SLC39A11: variants seen among roughly 807,000 people sequenced by gnomAD.
SLC39A11 encodes solute carrier family 39 member 11.
In SLC39A11, 33 loss-of-function variants were observed where a neutral mutation model predicts 36.1. The observed-to-expected ratio is 0.91, with a 90% CI of 0.69 to 1.22. SLC39A11 has a LOEUF of 1.22. SLC39A11 is among the 50% of genes most tolerant of loss of function. The pLI, the probability that SLC39A11 is intolerant of heterozygous loss-of-function variation, is 0.00. For synonymous variants in SLC39A11, 166 were observed against 170.3 expected, an observed-to-expected ratio of 0.97 and a Z score of 0.20; for missense variants, 432 against 430.3, an observed-to-expected ratio of 1.00 and a Z score of -0.03.
intron 6 of SLC39A11, among the ~76,000 whole-genome samples, chr17:72,804,384 G>C (rs576901696): frequency 1.6e-4 from 25 of 152,244 alleles, no homozygotes; most frequent in South Asian, 1.2e-3. Context: ...CCCTTGCTGG[G>C]AGCACACATC....
intron 5 of SLC39A11, among the ~76,000 whole-genome samples, chr17:72,915,123 T>A (rs1037605146): frequency 1.2e-4 from 18 of 152,236 alleles, no homozygotes; most frequent in African/African-American, 4.1e-4. Flanking sequence ...ACCCCACGTA[T>A]TAATCATGTT....
At position 72,900,199 on chromosome 17, in the gene SLC39A11, A is replaced by AGG. The variant is rs1408177430; in HGVS notation, c.430+47552_430+47553insCC. Among the ~76,000 whole-genome samples the AGG allele has an allele frequency of 6.0e-5, 9 of 149,722 alleles. 1 individual carries two copies. Among genetic ancestry groups the AGG allele is most frequent in the African/African-American group, 2.0e-4 (8 of 39,732 alleles). On this transcript the variant is annotated intron_variant, in intron 5 of 9. Coordinates refer to ENST00000255559, the MANE Select transcript of SLC39A11 (RefSeq NM_139177.4). ...AAAGAAAGAAAGAAAGAAAGAAAGA[A>AGG]AGAAAGAAAGAAAGAAAGAAAGAAA...
intron 6 of SLC39A11, among the ~76,000 whole-genome samples, chr17:72,748,246 C>G (rs1329649717): frequency 6.6e-6 from 1 of 151,226 alleles, no homozygotes; most frequent in Non-Finnish European, 1.5e-5. Flanking sequence ...CGCTTGAACA[C>G]GGGAGGTGGA....
chr17:72,891,775 T>C (rs989042201), intron 5 of SLC39A11, among the ~76,000 whole-genome samples: 11 of 151,624 alleles, frequency 7.3e-5, no homozygotes, highest in African/African-American at 2.4e-4. Context: ...GAAATGATTT[T>C]ATTACTATTT....
intron 6 of SLC39A11, among the ~76,000 whole-genome samples, chr17:72,737,409 T>C (rs1038115201): frequency 1.3e-5 from 2 of 152,252 alleles, no homozygotes; most frequent in Non-Finnish European, 2.9e-5. Flanking sequence ...ATGAGCACAG[T>C]TGAGTAGTTG....
chr17:72,676,347 CTTAGA>C (rs1298348530), intron 7 of SLC39A11, among the ~76,000 whole-genome samples: 7 of 152,080 alleles, frequency 4.6e-5, no homozygotes, highest in Non-Finnish European at 1.0e-4. Flanking sequence ...CAACAGAAAT[CTTAGA>C]TAATTTTTTT....
At chr17:72,720,947 A>G (rs1179628417) in intron 7 of SLC39A11, among the ~76,000 whole-genome samples, 1 of 151,876 alleles carries the variant, frequency 6.6e-6, no homozygotes, top group Non-Finnish European at 1.5e-5. Context: ...AGGAAACAAG[A>G]CCCACCCACT....
At chr17:72,754,051 TAC>T (rs58802713) in intron 6 of SLC39A11, among the ~76,000 whole-genome samples, 3,909 of 107,846 alleles carry the variant, frequency 0.036, 84 homozygotes, top group East Asian at 0.1. Flanking sequence ...TATATACACA[TAC>T]ACACACACAC....
intron 6 of SLC39A11, among the ~76,000 whole-genome samples, chr17:72,840,797 C>T (rs2078770829): frequency 1.3e-5 from 2 of 151,020 alleles, no homozygotes; most frequent in African/African-American, 2.4e-5. Context: ...GGCTCATGCC[C>T]GTAATCCTAG....
intron 5 of SLC39A11, among the ~76,000 whole-genome samples, chr17:72,924,496 T>A (rs1237433084): frequency 6.6e-6 from 1 of 152,138 alleles, no homozygotes; most frequent in African/African-American, 2.4e-5. Context: ...TTGTTTAGCA[T>A]GAATGATATC....
At chr17:73,020,083 T>G (rs2058292191) in intron 4 of SLC39A11, among the ~76,000 whole-genome samples, 1 of 152,242 alleles carries the variant, frequency 6.6e-6, no homozygotes, top group African/African-American at 2.4e-5. Context: ...CATTTCGAGT[T>G]ATGTTTGGAA....
At position 72,904,722 on chromosome 17, in the gene SLC39A11, G is replaced by A. The variant is rs80337427; in HGVS notation, c.430+43030C>T. Among the ~76,000 whole-genome samples the A allele has an allele frequency of 2.1e-3, 327 of 152,288 alleles. 1 individual carries two copies. Among genetic ancestry groups the A allele is most frequent in the East Asian group, 0.012 (62 of 5,170 alleles). On this transcript the variant is annotated intron_variant, in intron 5 of 9. Coordinates refer to ENST00000255559, the MANE Select transcript of SLC39A11 (RefSeq NM_139177.4). ...GCCAAGGGATTCAGGATCTCAGAGCGAGAATTACTTCATAGGCATGAAAAG... is the reference window on the plus strand; with the variant it reads ...GCCAAGGGATTCAGGATCTCAGAGCAAGAATTACTTCATAGGCATGAAAAG...
At chr17:72,783,256 A>T (rs1030409309) in intron 6 of SLC39A11, among the ~76,000 whole-genome samples, 1 of 152,170 alleles carries the variant, frequency 6.6e-6, no homozygotes, top group African/African-American at 2.4e-5. Flanking sequence ...TAGAACTGTG[A>T]GAAATAAATG....
At chr17:72,755,049 C>T (rs543667612) in intron 6 of SLC39A11, among the ~76,000 whole-genome samples, 2 of 106,922 alleles carry the variant, frequency 1.9e-5, no homozygotes, top group East Asian at 5.7e-4. Context: ...TTAGGCAGGG[C>T]CAGTGTGTCA....
intron 5 of SLC39A11, among the ~76,000 whole-genome samples, chr17:72,861,256 T>C (rs75337400): frequency 2.1e-3 from 315 of 152,248 alleles, no homozygotes; most frequent in East Asian, 8.1e-3. Context: ...CTTTTTAAAA[T>C]TCCATGTTCA....
intron 3 of SLC39A11, among the ~76,000 whole-genome samples, chr17:73,047,802 T>C (rs2059345543): frequency 1.3e-5 from 2 of 151,274 alleles, no homozygotes; most frequent in African/African-American, 2.4e-5. Flanking sequence ...ACCCCGTCTC[T>C]ACTAAAAATA....
chr17:73,047,983 AAAAAAAAATATATATATATATATATATAT>A (rs2059358938), intron 3 of SLC39A11, among the ~76,000 whole-genome samples: 2 of 53,436 alleles, frequency 3.7e-5, no homozygotes, highest in African/African-American at 1.2e-4. Context: ...AAAAAAAAAA[AAAAAAAAATATATATATATATATATATAT>A]ATATATATAT....
At position 72,792,187 on chromosome 17, in the gene SLC39A11, G is replaced by A. The variant is rs151085423; in HGVS notation, c.602-55468C>T. 1.7e-3 allele frequency among the ~76,000 whole-genome samples: 264 copies of A among 152,312 alleles called. 3 individuals are homozygous for A. Among genetic ancestry groups the A allele is most frequent in the Middle Eastern group, 6.8e-3 (2 of 294 alleles). On this transcript the variant is annotated intron_variant, in intron 6 of 9. Coordinates refer to ENST00000255559, the MANE Select transcript of SLC39A11 (RefSeq NM_139177.4). The stretch of plus-strand genomic sequence containing the variant: ...AGACTAGTGACATAACTCAGAAGAG[G>A]AGAACATCGCAGGCCATGTGGGGCC...
chr17:72,866,071 C>T (rs1346434971), intron 5 of SLC39A11, among the ~76,000 whole-genome samples: 2 of 152,154 alleles, frequency 1.3e-5, no homozygotes, highest in Non-Finnish European at 2.9e-5. Flanking sequence ...CTGTTAGGAA[C>T]CAGGCTGCAC....
Sources: allele counts gnomAD v4.1 joint callset (sites outside exome capture counted in the v4.1 genomes callset), GRCh38; gene constraint gnomAD v4.1.1; transcripts MANE v1.5; gene names NCBI Gene and HGNC (gene_info 2026-07-23, HGNC 2026-07-21).